The following BLTP3A variants were observed in gnomAD, a reference collection of about 807,000 sequenced individuals.
BLTP3A encodes bridge-like lipid transfer protein family member 3A.
chr6:34,798,729 G>T, the BLTP3A span, among the ~76,000 whole-genome samples: 1 of 151,268 alleles, frequency 6.6e-6, no homozygotes, highest in African/African-American at 2.4e-5. Context: ...GAAAGCATAA[G>T]ATCTTTTTTG....
the BLTP3A span, among the ~76,000 whole-genome samples, chr6:34,811,367 A>G: frequency 1.3e-5 from 2 of 152,204 alleles, no homozygotes; most frequent in African/African-American, 4.8e-5. Flanking sequence ...GCCTAAAATG[A>G]AGCTGCAGTA....
chr6:34,844,204 A>G, the BLTP3A span, among the ~76,000 whole-genome samples: 2 of 151,990 alleles, frequency 1.3e-5, no homozygotes, highest in East Asian at 1.9e-4. Context: ...GGATGGTCTC[A>G]GTCTCCTGAC....
At chr6:34,867,229 T>C in the BLTP3A span, 1 of 1,610,586 alleles carries the variant, frequency 6.2e-7, no homozygotes. Flanking sequence ...ATGCAGAGTC[T>C]GGTCCAGAAT....
the BLTP3A span, among the ~76,000 whole-genome samples, chr6:34,814,467 G>A: frequency 0.15 from 22,065 of 152,152 alleles, 1,931 homozygotes; most frequent in African/African-American, 0.24. Context: ...GTGAAAAAGC[G>A]TATATATGTT....
chr6:34,826,440 C>T, the BLTP3A span, among the ~76,000 whole-genome samples: 1 of 151,190 alleles, frequency 6.6e-6, no homozygotes, highest in African/African-American at 2.4e-5. Context: ...CTCACTGCAG[C>T]CTTGAACTCC....
At chr6:34,859,023 T>C in the BLTP3A span, 1 of 1,614,172 alleles carries the variant, frequency 6.2e-7, no homozygotes. Context: ...CTGCACCCGG[T>C]GCTGTCGATG....
At chr6:34,832,137 T>TTA in the BLTP3A span, among the ~76,000 whole-genome samples, 4 of 150,924 alleles carry the variant, frequency 2.7e-5, no homozygotes, top group African/African-American at 7.3e-5. Flanking sequence ...TTTTTTTTTT[T>TTA]AAGACAAGGT....
chr6:34,822,498 G>T, the BLTP3A span, among the ~76,000 whole-genome samples: 1 of 152,080 alleles, frequency 6.6e-6, no homozygotes, highest in South Asian at 2.1e-4. Context: ...CTCAGCCTTC[G>T]AAAGTGCTGG....
At chr6:34,830,529 G>T in the BLTP3A span, among the ~76,000 whole-genome samples, 2 of 151,858 alleles carry the variant, frequency 1.3e-5, no homozygotes, top group African/African-American at 2.4e-5. Flanking sequence ...GGCAGATGTT[G>T]TAGTGAGCCG....
the BLTP3A span, among the ~76,000 whole-genome samples, chr6:34,833,463 T>C: frequency 6.6e-6 from 1 of 152,146 alleles, no homozygotes; most frequent in African/African-American, 2.4e-5. Flanking sequence ...GAAGATTTTA[T>C]AGAAACCCTA....
the BLTP3A span, among the ~76,000 whole-genome samples, chr6:34,808,743 C>G: frequency 1.6e-4 from 24 of 151,998 alleles, no homozygotes; most frequent in Non-Finnish European, 3.4e-4. Context: ...GCCACCATGC[C>G]TAATTTTTTT....
At chr6:34,821,425 G>GC in the BLTP3A span, 1 of 490,470 alleles carries the variant, frequency 2.0e-6, no homozygotes, top group East Asian at 3.5e-5. Flanking sequence ...GAGATGGTGT[G>GC]GTCTGAGTGC....
At chr6:34,821,145 G>A in the BLTP3A span, among the ~76,000 whole-genome samples, 3 of 151,764 alleles carry the variant, frequency 2.0e-5, no homozygotes, top group Non-Finnish European at 4.4e-5. Context: ...TAGTAGAGAC[G>A]GGGTTTCTCC....
At chr6:34,872,654 G>T in the BLTP3A span, 1 of 481,182 alleles carries the variant, frequency 2.1e-6, no homozygotes, top group East Asian at 3.7e-5. Flanking sequence ...GGAAACTGGG[G>T]CTTGCCCTGT....
At chr6:34,848,186 G>T in the BLTP3A span, among the ~76,000 whole-genome samples, 6 of 150,196 alleles carry the variant, frequency 4.0e-5, no homozygotes, top group Non-Finnish European at 8.9e-5. Flanking sequence ...CTCCCAAAAT[G>T]CTAGGATTAT....
At chr6:34,871,505 C>A in the BLTP3A span, 2 of 1,412,344 alleles carry the variant, frequency 1.4e-6, no homozygotes, top group South Asian at 1.2e-5. Context: ...CTGCTTCAAG[C>A]TGAATGATGG....
chr6:34,850,482 A>G, the BLTP3A span, among the ~76,000 whole-genome samples: 9 of 152,144 alleles, frequency 5.9e-5, no homozygotes, highest in East Asian at 7.7e-4. Flanking sequence ...CTTAAGGCCA[A>G]TAATTCTTAG....
the BLTP3A span, among the ~76,000 whole-genome samples, chr6:34,823,983 C>A: frequency 6.6e-6 from 1 of 151,674 alleles, no homozygotes; most frequent in Non-Finnish European, 1.5e-5. Flanking sequence ...CACCCTGTCA[C>A]CCAGCCTGGA....
the BLTP3A span, chr6:34,858,924 A>G: frequency 1.2e-6 from 2 of 1,614,190 alleles, no homozygotes; most frequent in South Asian, 1.1e-5. Flanking sequence ...CTAAGGATAC[A>G]GAGTCAATGA....
Sources: allele counts gnomAD v4.1 joint callset (sites outside exome capture counted in the v4.1 genomes callset), GRCh38; gene constraint gnomAD v4.1.1; transcripts MANE v1.5; gene names NCBI Gene and HGNC (gene_info 2026-07-23, HGNC 2026-07-21).